PARP8: variants seen among roughly 807,000 people sequenced by gnomAD.
PARP8 encodes poly(ADP-ribose) polymerase family member 8, also known as protein mono-ADP-ribosyltransferase PARP8.
In PARP8, 51 loss-of-function variants were observed where a neutral mutation model predicts 124.1. The observed-to-expected ratio is 0.41, with a 90% CI of 0.33 to 0.52. PARP8 has a LOEUF of 0.52. Ranked by LOEUF, PARP8 falls within the 20% of genes least tolerant of loss-of-function variation. PARP8 has a pLI of 0.21. For missense variants in PARP8, 860 were observed against 1,018.9 expected (o/e 0.84, Z 2.12); for synonymous variants, 391 against 361.5 (o/e 1.08, Z -0.93).
intron 10 of PARP8, among the ~76,000 whole-genome samples, chr5:50,793,148 A>T (rs1358717524): frequency 1.3e-5 from 2 of 152,218 alleles, no homozygotes; most frequent in African/African-American, 4.8e-5. Flanking sequence ...AAAAATGTGC[A>T]TATAACATTT....
rs906271952 is a variant in PARP8, at chr5:50,667,317, T to C, written c.91+131T>C. 15 of 956,496 alleles carry C rather than the reference T, an allele frequency of 1.6e-5. No homozygotes were observed. The African/African-American group carries it at 2.1e-4, about 13-fold the overall frequency. The allele number at this position is 956,496 out of a possible 1,614,324, so 59.3% of individuals were successfully genotyped here. A position where few individuals can be genotyped will look rare whatever the true frequency, so the allele number is the denominator to read the frequency against. On this transcript the variant is annotated intron_variant, in intron 1 of 25. Transcript: ENST00000281631. ...CTGGGGTTCATTTGGCAACAGCTGC[T>C]GCAACGAGCGCGGGAGCCAAAAGGG... is the stretch of plus-strand genomic sequence containing the variant.
chr5:50,842,105 C>A lies in PARP8; in HGVS notation c.*37C>A. On this transcript the variant is annotated 3_prime_UTR_variant, in exon 26 of 26. Transcript: ENST00000281631. ...TTAATTAACATGATTCGAAAGCCTT[C>A]CTCGGGTTCAAAGCTGGATTTTGAA... 2.1e-6 allele frequency: 3 copies of A among 1,432,864 alleles called. No homozygotes were observed. Among genetic ancestry groups the A allele is most frequent in the Non-Finnish European group, 2.9e-6 (3 of 1,029,236 alleles). The allele number at this position is 1,432,864 out of a possible 1,614,324, so 88.8% of individuals were successfully genotyped here. A position where few individuals can be genotyped will look rare whatever the true frequency, so the allele number is the denominator to read the frequency against.
At chr5:50,834,228 T>C (rs1431494572) in intron 24 of PARP8, among the ~76,000 whole-genome samples, 180 bp downstream of exon 24, 1 of 152,184 alleles carries the variant, frequency 6.6e-6, no homozygotes, top group Non-Finnish European at 1.5e-5. Context: ...TCAAACCAAA[T>C]TGCAGAATTG....
At chr5:50,775,111 C>T (rs566321824) in intron 7 of PARP8, among the ~76,000 whole-genome samples, 1,605 of 147,822 alleles carry the variant, frequency 0.011, 25 homozygotes, top group Non-Finnish European at 0.014. Flanking sequence ...ACATCCCAGA[C>T]GATGGGCGGC....
intron 9 of PARP8, among the ~76,000 whole-genome samples, chr5:50,787,818 CAT>C (rs1163612124): frequency 2.0e-5 from 3 of 150,654 alleles, no homozygotes; most frequent in Admixed American, 1.3e-4. Flanking sequence ...CCGATTTAAA[CAT>C]ATATTTTTAT....
chr5:50,676,064 G>T, intron 2 of PARP8, among the ~76,000 whole-genome samples: 1 of 152,136 alleles, frequency 6.6e-6, no homozygotes, highest in Non-Finnish European at 1.5e-5. Flanking sequence ...TTAATGATTG[G>T]CTTTTTAGAA....
intron 2 of PARP8, among the ~76,000 whole-genome samples, chr5:50,747,603 G>A (rs1256550397): frequency 6.6e-6 from 1 of 151,692 alleles, no homozygotes; most frequent in Non-Finnish European, 1.5e-5. Context: ...TCTTCCTGAC[G>A]AACTGACACG....
chr5:50,783,517 G>T (rs1248685367), intron 9 of PARP8, among the ~76,000 whole-genome samples: 2 of 152,156 alleles, frequency 1.3e-5, no homozygotes, highest in East Asian at 3.9e-4. Context: ...GATAGCAACA[G>T]AATTGTTGGC....
intron 6 of PARP8, among the ~76,000 whole-genome samples, chr5:50,762,504 T>A (rs1439326575): frequency 6.6e-6 from 1 of 152,170 alleles, no homozygotes; most frequent in Non-Finnish European, 1.5e-5. Context: ...TAATATGTGG[T>A]TCTGTTTCTA....
At chr5:50,772,366 C>G (rs1240515727) in intron 7 of PARP8, among the ~76,000 whole-genome samples, 1 of 152,176 alleles carries the variant, frequency 6.6e-6, no homozygotes, top group African/African-American at 2.4e-5. Flanking sequence ...GGTTAAATGT[C>G]CAATCATGGA....
chr5:50,777,906 C>CA (rs1251051046), intron 7 of PARP8, among the ~76,000 whole-genome samples, 163 bp from the exon 8 acceptor site: 1 of 151,942 alleles, frequency 6.6e-6, no homozygotes, highest in Admixed American at 6.6e-5. Context: ...AATGACAGTC[C>CA]AACTAGATTA....
At chr5:50,681,985 A>T (rs1355250872) in intron 2 of PARP8, among the ~76,000 whole-genome samples, 1 of 152,136 alleles carries the variant, frequency 6.6e-6, no homozygotes, top group African/African-American at 2.4e-5. Context: ...AATAAGATAT[A>T]TTTTTGGTTG....
In PARP8 at chr5:50,666,880, C is replaced by G; in HGVS notation, c.-216C>G. The G allele has an allele frequency of 5.7e-6, 8 of 1,398,924 alleles. No homozygotes were observed. Among genetic ancestry groups the G allele is most frequent in the Non-Finnish European group, 7.4e-6 (8 of 1,079,840 alleles). 86.7% of individuals were successfully genotyped at this position (1,398,924 alleles called of 1,614,324 possible). On this transcript the variant is annotated 5_prime_UTR_variant, in exon 1 of 26. It adds an upstream start codon to the 5' untranslated region. Transcript: ENST00000281631. ...GCGAGCAGCAGCTGGGCGGTCACATCTGGGAATGCAAAGCCGACCTCCCCC... is the reference window on the plus strand; with the variant it reads ...GCGAGCAGCAGCTGGGCGGTCACATGTGGGAATGCAAAGCCGACCTCCCCC...
intron 7 of PARP8, among the ~76,000 whole-genome samples, chr5:50,768,762 A>G (rs554377104): frequency 1.3e-5 from 2 of 152,164 alleles, no homozygotes; most frequent in South Asian, 4.1e-4. Context: ...TTATTCAGAT[A>G]TAGAAGCAAT....
intron 5 of PARP8, 22 bp downstream of exon 5, chr5:50,760,384 T>C (rs1760426977): frequency 6.8e-7 from 1 of 1,472,792 alleles, no homozygotes; most frequent in East Asian, 2.4e-5. Flanking sequence ...ATATTTTTTA[T>C]TTTCTTGAAA....
chr5:50,707,997 A>G (rs1047280462), intron 2 of PARP8, among the ~76,000 whole-genome samples: 3 of 152,054 alleles, frequency 2.0e-5, no homozygotes, highest in Non-Finnish European at 2.9e-5. Context: ...GCATATTACA[A>G]TGACTGTACT....
chr5:50,802,501 T>G (rs1318757835), intron 14 of PARP8, among the ~76,000 whole-genome samples: 10 of 152,094 alleles, frequency 6.6e-5, no homozygotes, highest in Non-Finnish European at 1.3e-4. Context: ...AAAAAAGTTT[T>G]TTGTAGAGAT....
chr5:50,757,623 G>A (rs188803903), intron 3 of PARP8, among the ~76,000 whole-genome samples: 4 of 152,170 alleles, frequency 2.6e-5, no homozygotes, highest in South Asian at 2.1e-4. Context: ...AAAATGATAC[G>A]TTTGAAGGCA....
In PARP8 at chr5:50,824,912, C is replaced by CAT; in HGVS notation, c.1868_1869dup (p.Leu624IlefsTer31). On this transcript the variant is annotated frameshift_variant, in exon 18 of 26. Transcript: ENST00000281631. LOFTEE classifies it high-confidence loss of function. Reference sequence around the variant, plus strand: ...AGTATAATGACTTTTTTTCAGGCACCATATCTGGAAATCAAGAAGCAAATG... The same window carrying CAT: ...AGTATAATGACTTTTTTTCAGGCACCATATATCTGGAAATCAAGAAGCAAATG... The CAT allele has an allele frequency of 1.2e-6, 2 of 1,611,670 alleles. No homozygotes were observed. The highest frequency in any genetic ancestry group is 1.7e-6 in the Non-Finnish European group (2 of 1,178,392).
Sources: gnomAD v4.1 joint callset for allele counts (sites outside exome capture counted in the v4.1 genomes callset) on GRCh38, gnomAD v4.1.1 for gene constraint, MANE v1.5 for transcripts, NCBI Gene and HGNC (gene_info 2026-07-23, HGNC 2026-07-21) for gene names.